Variants in DENND2C observed in about 807,000 individuals in gnomAD.
DENND2C encodes the protein DENN domain-containing protein 2C.
Under a neutral mutation model 112.4 loss-of-function variants are expected in DENND2C, and 72 were observed. That is an observed-to-expected ratio of 0.64 (90% CI 0.53 to 0.78). The LOEUF is 0.78. Among genes scored for constraint, DENND2C ranks in the 30% least tolerant of loss-of-function variants. The pLI, the probability that DENND2C is intolerant of heterozygous loss-of-function variation, is 0.00. For synonymous variants in DENND2C, 329 were observed against 381.6 expected, an observed-to-expected ratio of 0.86 and a Z score of 1.61; for missense variants, 992 against 1,113.8, an observed-to-expected ratio of 0.89 and a Z score of 1.56.
intron 2 of DENND2C, among the ~76,000 whole-genome samples, chr1:114,650,823 A>G (rs1380119110): frequency 2.6e-5 from 4 of 152,268 alleles, no homozygotes; most frequent in African/African-American, 9.6e-5. Context: ...TTTTCAAATG[A>G]CATTACAAAA....
At chr1:114,592,630 G>A (rs899697038) in intron 18 of DENND2C, among the ~76,000 whole-genome samples, 1 of 152,034 alleles carries the variant, frequency 6.6e-6, no homozygotes, top group Non-Finnish European at 1.5e-5. Flanking sequence ...TGAGGTGGGA[G>A]GATTGCTTGT....
At position 114,625,199 on chromosome 1, in the gene DENND2C, T is replaced by A; in HGVS notation, c.786A>T (p.Lys262Asn). The change falls in exon 4 of 21, where the codon AAA becomes AAT. Residue 262 changes from lysine (K) to asparagine (N), a missense_variant. Around this residue, in one of 3 missense-constraint regions of DENND2C, gnomAD observed 470 missense variants for 472.7 expected, o/e 0.99. Transcript: ENST00000393274. Reference protein sequence around the residue: ...QEPEPKKYGGKIRGRSKRKSF... With the variant: ...QEPEPKKYGGNIRGRSKRKSF... ...CATACCTTTTAGATCTTCCTCTGAT[T>A]TTTCCACCATATTTCTTTGGTTCAG... The A allele has an allele frequency of 6.2e-7, 1 of 1,608,308 alleles. No homozygotes were observed.
rs201569345 is a variant in DENND2C at position 114,630,304 on chromosome 1, C to CA, written c.-204-4117dup. Among the ~76,000 whole-genome samples the CA allele has an allele frequency of 8.7e-3, 1,132 of 130,544 alleles. 15 individuals carry two copies. Among genetic ancestry groups the CA allele is most frequent in the African/African-American group, 0.029 (1,023 of 35,406 alleles). The allele number at this position is 130,544 out of a possible 152,430, so 85.6% of individuals were successfully genotyped here. A position where few individuals can be genotyped will look rare whatever the true frequency, so the allele number is the denominator to read the frequency against. The stretch of plus-strand genomic sequence containing the variant: ...GTCTGGCGACAGAGCGAGATTCGTT[C>CA]AAAAAAAAAAAGAAAAGAAAAGAAA... On this transcript the variant is annotated intron_variant, in intron 3 of 20. Coordinates refer to ENST00000393274, the MANE Select transcript of DENND2C (RefSeq NM_001256404.2).
At chr1:114,668,550 C>CACA (rs1297583488) in intron 1 of DENND2C, among the ~76,000 whole-genome samples, 7 of 151,762 alleles carry the variant, frequency 4.6e-5, no homozygotes, top group Admixed American at 2.0e-4. Flanking sequence ...CACACACACA[C>CACA]ACACCCCAAC....
Position 114,608,684 on chromosome 1 carries a change from A to G in DENND2C, c.1557+2T>C. Reference sequence around the variant, plus strand: ...AATGCCTCTTGGCCTCCTTGTGCCTACCTTGCCAGGGAATTGTTGTATGAC... The same window carrying G: ...AATGCCTCTTGGCCTCCTTGTGCCTGCCTTGCCAGGGAATTGTTGTATGAC... On this transcript the variant is annotated splice_donor_variant, in intron 10 of 20. Transcript: ENST00000393274. LOFTEE classifies it high-confidence loss of function. 6.2e-7 allele frequency: 1 copy of G among 1,613,190 alleles called. No individual in the cohort carries two copies. The highest frequency in any genetic ancestry group is 8.5e-7 in the Non-Finnish European group (1 of 1,179,442).
At chr1:114,629,364 G>A (rs1326533615) in intron 3 of DENND2C, among the ~76,000 whole-genome samples, 4 of 152,114 alleles carry the variant, frequency 2.6e-5, no homozygotes, top group Admixed American at 6.5e-5. Flanking sequence ...TGCAACCTCC[G>A]CCTCCCAGGT....
At chr1:114,641,498 A>G (rs1204582095) in intron 3 of DENND2C, among the ~76,000 whole-genome samples, 1 of 152,014 alleles carries the variant, frequency 6.6e-6, no homozygotes, top group Non-Finnish European at 1.5e-5. Context: ...TAAGGTAACA[A>G]GTGAGTTCTT....
At chr1:114,611,013 G>A (rs1168797172) in intron 9 of DENND2C, 60 bp downstream of exon 9, 2 of 1,582,528 alleles carry the variant, frequency 1.3e-6, no homozygotes, top group Non-Finnish European at 1.7e-6. Flanking sequence ...AAAGGTAGGT[G>A]CCACTCCACC....
At chr1:114,669,182 T>G (rs1010162974) in intron 1 of DENND2C, among the ~76,000 whole-genome samples, 2 of 152,178 alleles carry the variant, frequency 1.3e-5, no homozygotes, top group African/African-American at 4.8e-5. Flanking sequence ...ACCAGGCAAG[T>G]AGTAGTTGCT....
In DENND2C at chr1:114,584,032, G is replaced by C. The variant is rs930099615; in HGVS notation, c.*1568C>G. On this transcript the variant is annotated 3_prime_UTR_variant, in exon 21 of 21. Transcript: ENST00000393274. The stretch of plus-strand genomic sequence containing the variant: ...CAACATTTCTAGGGGAATAAAAAGA[G>C]TCTCATCTAGGCACCTATAAAGTTC... 6.6e-6 allele frequency: 1 copy of C among 152,044 alleles called. No individual in the cohort carries two copies. Among genetic ancestry groups the C allele is most frequent in the Non-Finnish European group, 1.5e-5 (1 of 68,004 alleles). 9.4% of individuals were successfully genotyped at this position (152,044 alleles called of 1,614,324 possible). A position where few individuals can be genotyped will look rare whatever the true frequency, so the allele number is the denominator to read the frequency against.
intron 17 of DENND2C, 89 bp from the exon 18 acceptor site, chr1:114,594,667 C>A: frequency 9.4e-7 from 1 of 1,062,110 alleles, no homozygotes; most frequent in Non-Finnish European, 1.4e-6. Context: ...CTCCAAAATT[C>A]CACAAGTGAC....
chr1:114,650,510 A>C (rs1463943042), intron 2 of DENND2C, among the ~76,000 whole-genome samples: 1 of 145,004 alleles, frequency 6.9e-6, no homozygotes, highest in Non-Finnish European at 1.5e-5. Context: ...TAAAAATACA[A>C]AAAAAAAAAA....
intron 2 of DENND2C, among the ~76,000 whole-genome samples, chr1:114,650,001 CT>C (rs370316923): frequency 1.3e-5 from 2 of 152,044 alleles, no homozygotes; most frequent in Admixed American, 6.5e-5. Context: ...TTGTATCCTG[CT>C]TTTTTTCATT....
intron 3 of DENND2C, among the ~76,000 whole-genome samples, chr1:114,626,866 C>T (rs934462526): frequency 6.6e-6 from 1 of 151,994 alleles, no homozygotes; most frequent in Non-Finnish European, 1.5e-5. Flanking sequence ...CATATATATA[C>T]ACAGAATTAC....
intron 13 of DENND2C, 111 bp from the exon 14 acceptor site, chr1:114,601,071 AT>A (rs1655491796): frequency 1.7e-6 from 2 of 1,189,434 alleles, no homozygotes; most frequent in African/African-American, 3.1e-5. Context: ...CCCAAATAAA[AT>A]TTAAGACAGA....
intron 3 of DENND2C, among the ~76,000 whole-genome samples, chr1:114,632,213 T>A (rs759987564): frequency 1.3e-5 from 2 of 152,050 alleles, no homozygotes; most frequent in Non-Finnish European, 2.9e-5. Flanking sequence ...GTCGCAGAAA[T>A]GAAGGGGTCG....
At chr1:114,607,568 G>A (rs1238380835) in intron 10 of DENND2C, among the ~76,000 whole-genome samples, 1 of 152,196 alleles carries the variant, frequency 6.6e-6, no homozygotes, top group Non-Finnish European at 1.5e-5. Context: ...ACCCAACCAT[G>A]TCTGTGGGCT....
intron 1 of DENND2C, among the ~76,000 whole-genome samples, chr1:114,660,728 T>C (rs1051731175): frequency 1.3e-5 from 2 of 152,240 alleles, no homozygotes; most frequent in Non-Finnish European, 2.9e-5. Context: ...AATTATTTAA[T>C]AGTTTTTTCC....
chr1:114,603,199 G>A (rs1215451224), intron 11 of DENND2C, among the ~76,000 whole-genome samples: 2 of 151,750 alleles, frequency 1.3e-5, no homozygotes, highest in Non-Finnish European at 2.9e-5. Flanking sequence ...GGAGTGCAGT[G>A]GCGCAATCTC....
Sources: gnomAD v4.1 joint callset for allele counts (sites outside exome capture counted in the v4.1 genomes callset) on GRCh38, gnomAD v4.1.1 for gene constraint, gnomAD v4.1.1 regional missense constraint, MANE v1.5 for transcripts, NCBI Gene and HGNC (gene_info 2026-07-23, HGNC 2026-07-21) for gene names.